The following PPARA variants were observed in gnomAD, a reference collection of about 807,000 sequenced individuals.
PPARA encodes peroxisome proliferator activated receptor alpha.
In PPARA, 22 loss-of-function variants were observed where a neutral mutation model predicts 42.2. The observed-to-expected ratio is 0.52, with a 90% CI of 0.37 to 0.74. The LOEUF is 0.74. Ranked by LOEUF, PPARA falls within the 30% of genes least tolerant of loss-of-function variation. The pLI, the probability that PPARA is intolerant of heterozygous loss-of-function variation, is 0.00. For synonymous variants in PPARA, 242 were observed against 239.3 expected, an observed-to-expected ratio of 1.01 and a Z score of -0.10; for missense variants, 465 against 608.2, an observed-to-expected ratio of 0.76 and a Z score of 2.48.
intron 2 of PPARA, 70 bp from the exon 3 acceptor site, chr22:46,176,683 C>T (rs1453499150): frequency 6.6e-6 from 1 of 152,170 alleles, no homozygotes; most frequent in African/African-American, 2.4e-5. Flanking sequence ...TGTCTTAGTC[C>T]ATTCAAGCTG....
chr22:46,214,157 G>A (rs1449635167), intron 4 of PPARA, among the ~76,000 whole-genome samples: 1 of 152,226 alleles, frequency 6.6e-6, no homozygotes, highest in Admixed American at 6.5e-5. Context: ...AAGAAAGGAA[G>A]CAAACAAAAC....
rs1242940848 is a variant in PPARA at position 46,231,939 on chromosome 22, C to T, written c.859C>T (p.Leu287Phe). The T allele has an allele frequency of 1.9e-6, 3 of 1,614,110 alleles. No individual in the cohort carries two copies. The highest frequency in any genetic ancestry group is 2.5e-6 in the Non-Finnish European group (3 of 1,180,062). Reference protein sequence around the residue: ...QCTSVETVTELTEFAKAIPGF... With the variant: ...QCTSVETVTEFTEFAKAIPGF... ...CACGTCAGTGGAGACCGTCACGGAG[C>T]TCACGGAATTCGCCAAGGCCATCCC... is the stretch of plus-strand genomic sequence containing the variant. The change falls in exon 8 of 9, where the codon CTC (leucine) becomes TTC (phenylalanine). Residue 287 changes from leucine to phenylalanine, a missense_variant. Coordinates refer to ENST00000407236, the MANE Select transcript of PPARA (RefSeq NM_005036.6). The surrounding 1 kb of genome is among the most constrained non-coding windows in gnomAD (Gnocchi z 7.7).
intron 2 of PPARA, among the ~76,000 whole-genome samples, chr22:46,159,422 C>T (rs135543): frequency 0.28 from 41,839 of 151,964 alleles, 6,018 homozygotes; most frequent in Non-Finnish European, 0.31. Context: ...TTTTTTTCCC[C>T]CCACTTTGAC....
intron 2 of PPARA, among the ~76,000 whole-genome samples, chr22:46,169,040 G>A (rs1018706696): frequency 5.9e-5 from 9 of 151,838 alleles, no homozygotes; most frequent in African/African-American, 2.2e-4. Context: ...GAGGGAAAGA[G>A]GAATGAATAG....
In PPARA at chr22:46,173,838, A is replaced by G. The variant is rs1229405449; in HGVS notation, c.-126-2915A>G. Among the ~76,000 whole-genome samples, 2 of 152,188 alleles carry G rather than the reference A, an allele frequency of 1.3e-5. No individual in the cohort carries two copies. Among genetic ancestry groups the G allele is most frequent in the African/African-American group, 2.4e-5 (1 of 41,448 alleles). ...AACGTGTAGTTTAGTATTTAGGAGA[A>G]AGGGCCATGAGGCATGCAACTCACC... is the stretch of plus-strand genomic sequence containing the variant. On this transcript the variant is annotated intron_variant, in intron 2 of 8. Transcript: ENST00000407236. This position sits in a 1 kb window ranked among gnomAD's most constrained non-coding sequence, Gnocchi z 4.3.
In PPARA at chr22:46,184,762, C is replaced by T. The variant is rs554508776; in HGVS notation, c.-43+7926C>T. Among the ~76,000 whole-genome samples, 2 of 152,246 alleles carry T rather than the reference C, an allele frequency of 1.3e-5. No homozygotes were observed. Among genetic ancestry groups the T allele is most frequent in the African/African-American group, 2.4e-5 (1 of 41,542 alleles). ...ACCAGCTATTCGGGAGGCTGAGGCA[C>T]GAGAATTGCTTTAACCTGGGAGGTG... is the stretch of plus-strand genomic sequence containing the variant. On this transcript the variant is annotated intron_variant, in intron 3 of 8. Transcript: ENST00000407236. The surrounding 1 kb of genome is among the most constrained non-coding windows in gnomAD (Gnocchi z 4.4).
In PPARA at chr22:46,240,566, G is replaced by A. The variant is rs186676504; in HGVS notation, c.*5186G>A. 8.2e-6 allele frequency: 2 copies of A among 243,226 alleles called. No homozygotes were observed. Among genetic ancestry groups the A allele is most frequent in the Admixed American group, 1.1e-4 (2 of 17,946 alleles). 15.1% of individuals were successfully genotyped at this position (243,226 alleles called of 1,614,324 possible). A position where few individuals can be genotyped will look rare whatever the true frequency, so the allele number is the denominator to read the frequency against. ...CATTCAGAAAAGTAGTATAGATTCA[G>A]GAGAGGCAAGAAAATTATGCTGTCC... is the stretch of plus-strand genomic sequence containing the variant. On this transcript the variant is annotated 3_prime_UTR_variant, in exon 9 of 9. Transcript: ENST00000407236. The surrounding 1 kb of genome is among the most constrained non-coding windows in gnomAD (Gnocchi z 6.0).
rs1199140193 is a variant in PPARA, at chr22:46,225,566, C to T, written c.711+5552C>T. ...ACGGGTACACACACATACACGTGCA[C>T]CCACATGCATGCTCACACACATGCA... On this transcript the variant is annotated intron_variant, in intron 7 of 8. Coordinates refer to ENST00000407236, the MANE Select transcript of PPARA (RefSeq NM_005036.6). This position sits in a 1 kb window ranked among gnomAD's most constrained non-coding sequence, Gnocchi z 4.1. 6.6e-6 allele frequency among the ~76,000 whole-genome samples: 1 copy of T among 152,044 alleles called. No homozygotes were observed. Among genetic ancestry groups the T allele is most frequent in the Non-Finnish European group, 1.5e-5 (1 of 67,984 alleles).
Position 46,180,294 on chromosome 22 carries a change from A to G in PPARA, c.-43+3458A>G, listed in dbSNP as rs181115289. On this transcript the variant is annotated intron_variant, in intron 3 of 8. Transcript: ENST00000407236. The surrounding 1 kb of genome is among the most constrained non-coding windows in gnomAD (Gnocchi z 4.2). The stretch of plus-strand genomic sequence containing the variant: ...CTCTGCCTCCCAATGAATTAGAAAA[A>G]TAATAATAAAGGTAACAATAGCAGT... 6.6e-6 allele frequency among the ~76,000 whole-genome samples: 1 copy of G among 152,170 alleles called. No homozygotes were observed. The highest frequency in any genetic ancestry group is 2.4e-5 in the African/African-American group (1 of 41,544).
At chr22:46,197,921 A>T (rs115250492) in intron 3 of PPARA, among the ~76,000 whole-genome samples, 8,932 of 151,416 alleles carry the variant, frequency 0.059, 420 homozygotes, top group Admixed American at 0.16. Flanking sequence ...AAAAAAAATT[A>T]AAAATTAAAA....
intron 2 of PPARA, among the ~76,000 whole-genome samples, chr22:46,158,002 G>A (rs1925580438): frequency 6.6e-6 from 1 of 152,158 alleles, no homozygotes. Context: ...AAATACAGAA[G>A]GACTAATGGC....
intron 5 of PPARA, among the ~76,000 whole-genome samples, chr22:46,217,709 A>G (rs1397326531): frequency 6.6e-6 from 1 of 152,022 alleles, no homozygotes; most frequent in African/African-American, 2.4e-5. Context: ...GCATTTTGAA[A>G]TGACTTCGAA....
rs774377701 is a variant in PPARA, at chr22:46,215,192, G to A, written c.228G>A (p.Ser76=). Residue 76 remains serine (S), a synonymous_variant, in exon 5 of 9, where the codon TCG becomes TCA. Coordinates refer to ENST00000407236, the MANE Select transcript of PPARA (RefSeq NM_005036.6). The stretch of plus-strand genomic sequence containing the variant: ...CCCCAGACACGCTTTCACCAGCTTC[G>A]AGCCCCTCCTCGGTGACTTATCCTG... ...SVITDTLSPA[S]SPSSVTYPVV... is the part of the protein sequence containing the mutation. 44 of 1,613,842 alleles carry A rather than the reference G, an allele frequency of 2.7e-5. No homozygotes were observed. The highest frequency in any genetic ancestry group is 6.7e-5 in the East Asian group (3 of 44,888).
chr22:46,219,487 G>A lies in PPARA; in HGVS notation c.509-325G>A, dbSNP rs149278591. Among the ~76,000 whole-genome samples, 5 of 152,262 alleles carry A rather than the reference G, an allele frequency of 3.3e-5. No individual in the cohort carries two copies. Among genetic ancestry groups the A allele is most frequent in the East Asian group, 1.9e-4 (1 of 5,186 alleles). On this transcript the variant is annotated intron_variant, in intron 6 of 8. Coordinates refer to ENST00000407236, the MANE Select transcript of PPARA (RefSeq NM_005036.6). This position sits in a 1 kb window ranked among gnomAD's most constrained non-coding sequence, Gnocchi z 4.8. ...TTATATAAACTCATCCCGAAGCCCCGTTCACCTCCTTCACTCAAAGGTTGA... is the reference window on the plus strand; with the variant it reads ...TTATATAAACTCATCCCGAAGCCCCATTCACCTCCTTCACTCAAAGGTTGA...
intron 2 of PPARA, among the ~76,000 whole-genome samples, chr22:46,174,003 G>GATCATCCTGGCCAACATGGTGAA: frequency 1.6e-5 from 1 of 62,450 alleles, no homozygotes; most frequent in African/African-American, 1.7e-4. Flanking sequence ...AGGAGATCGA[G>GATCATCCTGGCCAACATGGTGAA]ACCCTCTCTA....
chr22:46,207,631 T>TTTAA (rs1016207724), intron 4 of PPARA, among the ~76,000 whole-genome samples: 3 of 146,824 alleles, frequency 2.0e-5, no homozygotes, highest in Non-Finnish European at 4.5e-5. Context: ...TCTTCTTGTT[T>TTTAA]TTAATTAATT....
At chr22:46,206,135 C>G (rs4253715) in intron 4 of PPARA, among the ~76,000 whole-genome samples, 14 of 152,126 alleles carry the variant, frequency 9.2e-5, no homozygotes, top group East Asian at 1.9e-4. Flanking sequence ...CGGAGTCTCT[C>G]TCTGTCTCCA....
rs537917831 is a variant in PPARA at position 46,230,369 on chromosome 22, C to A, written c.712-1423C>A. ...CTGGGCAACAAGAGCAAAACTCTGT[C>A]TCAAAAAAAAAAGAAATAACACCTT... On this transcript the variant is annotated intron_variant, in intron 7 of 8. Transcript: ENST00000407236. The surrounding 1 kb of genome is among the most constrained non-coding windows in gnomAD (Gnocchi z 5.0). Among the ~76,000 whole-genome samples, 1 of 128,052 alleles carries A rather than the reference C, an allele frequency of 7.8e-6. No individual in the cohort carries two copies. Among genetic ancestry groups the A allele is most frequent in the Non-Finnish European group, 1.5e-5 (1 of 65,416 alleles). 84.0% of individuals were successfully genotyped at this position (128,052 alleles called of 152,430 possible).
At position 46,184,978 on chromosome 22, in the gene PPARA, G is replaced by T. The variant is rs188473838; in HGVS notation, c.-43+8142G>T. Among the ~76,000 whole-genome samples, 2 of 152,318 alleles carry T rather than the reference G, an allele frequency of 1.3e-5. No homozygotes were observed. The highest frequency in any genetic ancestry group is 1.3e-4 in the Admixed American group (2 of 15,304). ...GGAATTTCCCAGTGAGTGACCATCT[G>T]TGTGTGTGTATTCATCCATTCCATG... is the stretch of plus-strand genomic sequence containing the variant. On this transcript the variant is annotated intron_variant, in intron 3 of 8. Transcript: ENST00000407236. This position sits in a 1 kb window ranked among gnomAD's most constrained non-coding sequence, Gnocchi z 4.4.
Sources: allele counts gnomAD v4.1 joint callset (sites outside exome capture counted in the v4.1 genomes callset), GRCh38; gene constraint gnomAD v4.1.1; non-coding constraint Gnocchi (gnomAD v3.1); transcripts MANE v1.5; gene names NCBI Gene and HGNC (gene_info 2026-07-23, HGNC 2026-07-21).